The following PTPRD variants were observed in gnomAD, a reference collection of about 807,000 sequenced individuals.
PTPRD encodes receptor-type tyrosine-protein phosphatase delta.
In PTPRD, 34 loss-of-function variants were observed where a neutral mutation model predicts 214.5. The ratio of observed to expected loss-of-function variants is 0.16; its 90% CI spans 0.12 to 0.21. PTPRD has a LOEUF of 0.21. PTPRD is among the 10% of genes least tolerant of loss of function. The pLI is 1.00. For synonymous variants in PTPRD, 1,128 were observed against 845.7 expected (o/e 1.33, Z -5.79); for missense variants, 2,545 against 2,398.7 (o/e 1.06, Z -1.27).
chr9:10,331,747 T>C (rs2096754535), intron 3 of PTPRD, among the ~76,000 whole-genome samples: 1 of 151,880 alleles, frequency 6.6e-6, no homozygotes, highest in Non-Finnish European at 1.5e-5. Flanking sequence ...CAGATTGATA[T>C]CTAAAAATTT....
intron 2 of PTPRD, among the ~76,000 whole-genome samples, chr9:10,437,791 T>C (rs546934992): frequency 2.0e-5 from 3 of 151,204 alleles, no homozygotes; most frequent in Non-Finnish European, 4.4e-5. Flanking sequence ...ATATATCTGA[T>C]AAAATGCTAT....
chr9:9,997,479 G>C (rs907658137), intron 4 of PTPRD, among the ~76,000 whole-genome samples: 1 of 152,012 alleles, frequency 6.6e-6, no homozygotes, highest in Admixed American at 6.6e-5. Flanking sequence ...AGTAGAGATG[G>C]GGTTTTTCCA....
chr9:9,000,275 G>C (rs1461572932), intron 11 of PTPRD, among the ~76,000 whole-genome samples: 1 of 151,894 alleles, frequency 6.6e-6, no homozygotes, highest in Non-Finnish European at 1.5e-5. Flanking sequence ...TCTTTAATTA[G>C]GTAATCTCCA....
chr9:8,407,263 G>A (rs1011066332), intron 35 of PTPRD, among the ~76,000 whole-genome samples: 1 of 152,166 alleles, frequency 6.6e-6, no homozygotes, highest in Non-Finnish European at 1.5e-5. Flanking sequence ...TGCTTTATAT[G>A]AAGAATTATG....
At chr9:10,097,863 T>C (rs1460372052) in intron 3 of PTPRD, among the ~76,000 whole-genome samples, 2 of 151,602 alleles carry the variant, frequency 1.3e-5, no homozygotes, top group Non-Finnish European at 3.0e-5. Context: ...CAGTATGATA[T>C]TGGCTGTAGG....
intron 2 of PTPRD, among the ~76,000 whole-genome samples, chr9:10,495,134 T>A (rs1401236839): frequency 6.6e-6 from 1 of 151,828 alleles, no homozygotes. Context: ...GAAGTTTATT[T>A]GTCACCTATG....
At chr9:8,697,036 C>T (rs868753667) in intron 12 of PTPRD, among the ~76,000 whole-genome samples, 26 of 152,166 alleles carry the variant, frequency 1.7e-4, no homozygotes, top group African/African-American at 6.0e-4. Flanking sequence ...GTAACAGTTT[C>T]TGCCTAGAAG....
intron 8 of PTPRD, among the ~76,000 whole-genome samples, chr9:9,574,492 G>C (rs556989944): frequency 6.6e-6 from 1 of 151,864 alleles, no homozygotes; most frequent in Non-Finnish European, 1.5e-5. Flanking sequence ...CTTTACCTTT[G>C]CGGGACATGC....
chr9:10,607,826 T>C (rs1303190394), intron 2 of PTPRD, among the ~76,000 whole-genome samples: 1 of 151,996 alleles, frequency 6.6e-6, no homozygotes, highest in Non-Finnish European at 1.5e-5. Context: ...TTTTCCATGA[T>C]TGGAAGTTTT....
At chr9:10,325,005 T>A (rs2096618359) in intron 3 of PTPRD, among the ~76,000 whole-genome samples, 3 of 152,074 alleles carry the variant, frequency 2.0e-5, no homozygotes, top group Non-Finnish European at 1.5e-5. Context: ...TAAGTTGTTA[T>A]TGTTAAACAA....
chr9:9,463,010 A>T (rs1389670040), intron 8 of PTPRD, among the ~76,000 whole-genome samples: 2 of 152,296 alleles, frequency 1.3e-5, no homozygotes, highest in East Asian at 3.9e-4. Flanking sequence ...AGTAAAAAAG[A>T]TTGTTTGTGG....
chr9:9,676,314 C>G (rs1348787266), intron 7 of PTPRD, among the ~76,000 whole-genome samples: 1 of 130,206 alleles, frequency 7.7e-6, no homozygotes, highest in Non-Finnish European at 1.6e-5. Context: ...GTGTGATGTT[C>G]CCCTTCCTGT....
intron 12 of PTPRD, among the ~76,000 whole-genome samples, chr9:8,708,370 A>C (rs934480691): frequency 5.3e-5 from 8 of 152,056 alleles, no homozygotes; most frequent in African/African-American, 1.9e-4. Context: ...GAAGTTCCTT[A>C]AATATGAAAA....
At chr9:10,553,665 C>A (rs140147087) in intron 2 of PTPRD, among the ~76,000 whole-genome samples, 2,926 of 152,098 alleles carry the variant, frequency 0.019, 32 homozygotes, top group South Asian at 0.042. Context: ...ATGTATAAAT[C>A]AAACAAATCC....
At chr9:10,016,204 T>G (rs1054425233) in intron 4 of PTPRD, among the ~76,000 whole-genome samples, 21 of 152,200 alleles carry the variant, frequency 1.4e-4, no homozygotes, top group Non-Finnish European at 2.5e-4. Flanking sequence ...CGGCAAGTAT[T>G]AGAAAAATGC....
chr9:8,871,543 T>C (rs1439926137), intron 11 of PTPRD, among the ~76,000 whole-genome samples: 1 of 152,168 alleles, frequency 6.6e-6, no homozygotes, highest in African/African-American at 2.4e-5. Context: ...GAAGAGTTTA[T>C]ATTTAGAACC....
chr9:8,368,884 A>G (rs934449642), intron 39 of PTPRD, among the ~76,000 whole-genome samples: 1 of 152,144 alleles, frequency 6.6e-6, no homozygotes, highest in African/African-American at 2.4e-5. Flanking sequence ...TCCACATGGC[A>G]TAATTATTTT....
intron 11 of PTPRD, among the ~76,000 whole-genome samples, chr9:8,896,793 A>T (rs1328094635): frequency 1.3e-5 from 2 of 152,174 alleles, no homozygotes; most frequent in Non-Finnish European, 2.9e-5. Context: ...CACATAAAAC[A>T]TTCCCTTTAG....
chr9:9,353,754 A>T (rs1345853976), intron 9 of PTPRD, among the ~76,000 whole-genome samples: 1 of 151,838 alleles, frequency 6.6e-6, no homozygotes, highest in South Asian at 2.1e-4. Flanking sequence ...TTAGTTTTCT[A>T]TTGCTGCCTG....
Sources: allele counts gnomAD v4.1 joint callset (sites outside exome capture counted in the v4.1 genomes callset), GRCh38; gene constraint gnomAD v4.1.1; transcripts MANE v1.5; gene names NCBI Gene and HGNC (gene_info 2026-07-23, HGNC 2026-07-21).